KIF26B: variants seen among roughly 807,000 people sequenced by gnomAD.
KIF26B encodes kinesin-like protein KIF26B.
In KIF26B, 63 loss-of-function variants were observed where a neutral mutation model predicts 151.2. The ratio of observed to expected loss-of-function variants is 0.42; its 90% confidence interval spans 0.34 to 0.51. The LOEUF is 0.51. KIF26B is among the 20% of genes least tolerant of loss of function. KIF26B has a pLI of 0.07. For missense variants in KIF26B, 2,813 were observed against 2,913.6 expected (o/e 0.97, Z 0.79); for synonymous variants, 1,357 against 1,262.1 (o/e 1.08, Z -1.59).
chr1:245,604,064 A>G (rs1444124508), intron 6 of KIF26B, among the ~76,000 whole-genome samples: 3 of 152,122 alleles, frequency 2.0e-5, no homozygotes, highest in Admixed American at 1.3e-4. Context: ...ACGAAACAGC[A>G]CCTGTTCCTT....
chr1:245,569,254 G>A (rs567703419), intron 5 of KIF26B, among the ~76,000 whole-genome samples: 7 of 152,172 alleles, frequency 4.6e-5, no homozygotes, highest in Admixed American at 2.6e-4. Flanking sequence ...GTATCCCACC[G>A]AGCCTTAAGA....
chr1:245,648,551 C>T (rs1361436883), intron 10 of KIF26B, among the ~76,000 whole-genome samples: 1 of 151,502 alleles, frequency 6.6e-6, no homozygotes, highest in South Asian at 2.1e-4. Context: ...GGAAGGGTGG[C>T]TTGAGTCCAG....
At position 245,349,812 on chromosome 1, in the gene KIF26B, C is replaced by T. The variant is rs1418382809; in HGVS notation, c.466-17022C>T. 2.0e-5 allele frequency among the ~76,000 whole-genome samples: 3 copies of T among 152,278 alleles called. No individual in the cohort carries two copies. In the East Asian group the frequency reaches 5.8e-4, roughly 29 times the overall value. ...GTCTACAGCTGAGCTCTGTTTTCAG[C>T]TTCTGAACACAGTGGAGTTAATATT... On this transcript the variant is annotated intron_variant, in intron 2 of 14. Coordinates refer to ENST00000407071, the MANE Select transcript of KIF26B (RefSeq NM_018012.4).
intron 10 of KIF26B, among the ~76,000 whole-genome samples, chr1:245,653,979 C>A (rs1042721493): frequency 6.6e-6 from 1 of 152,112 alleles, no homozygotes; most frequent in Non-Finnish European, 1.5e-5. Context: ...GGAAGGATCG[C>A]TTGAACCCAG....
At chr1:245,556,520 C>G (rs1172707945) in intron 5 of KIF26B, among the ~76,000 whole-genome samples, 2 of 152,146 alleles carry the variant, frequency 1.3e-5, no homozygotes, top group Non-Finnish European at 2.9e-5. Context: ...TCACCTTAGG[C>G]CCCCAAGTAG....
At chr1:245,426,707 G>A (rs1447808962) in intron 4 of KIF26B, among the ~76,000 whole-genome samples, 4 of 152,222 alleles carry the variant, frequency 2.6e-5, no homozygotes, top group Non-Finnish European at 4.4e-5. Flanking sequence ...GCTGAGCAGA[G>A]AGGACTGACC....
intron 4 of KIF26B, among the ~76,000 whole-genome samples, chr1:245,510,752 C>T (rs562008791): frequency 7.7e-5 from 11 of 143,344 alleles, no homozygotes; most frequent in South Asian, 2.4e-4. Context: ...CTTGCATGTG[C>T]GGATTGGCAG....
intron 2 of KIF26B, among the ~76,000 whole-genome samples, chr1:245,191,143 C>T (rs377309209): frequency 2.0e-5 from 3 of 146,780 alleles, no homozygotes; most frequent in Admixed American, 1.4e-4. Flanking sequence ...TAATCTGGCT[C>T]TTCCTGTGAT....
At position 245,268,235 on chromosome 1, in the gene KIF26B, C is replaced by T. The variant is rs574593718; in HGVS notation, c.466-98599C>T. Among the ~76,000 whole-genome samples, 286 of 151,984 alleles carry T rather than the reference C, an allele frequency of 1.9e-3. 2 individuals carry two copies. The highest frequency in any genetic ancestry group is 6.6e-3 in the African/African-American group (272 of 41,464). Reference sequence around the variant, plus strand: ...CTGTAATCCCAGCACTTTGGGAAGCCGGGCCAGGTGGATCACAAGGTCAGG... The same window carrying T: ...CTGTAATCCCAGCACTTTGGGAAGCTGGGCCAGGTGGATCACAAGGTCAGG... On this transcript the variant is annotated intron_variant, in intron 2 of 14. Transcript: ENST00000407071.
chr1:245,684,495 C>G (rs1434834793), intron 11 of KIF26B, 100 bp downstream of exon 11: 2 of 1,240,950 alleles, frequency 1.6e-6, no homozygotes, highest in East Asian at 5.2e-5. Context: ...TGCCAATCCC[C>G]CAGCATCAGG....
intron 2 of KIF26B, among the ~76,000 whole-genome samples, chr1:245,193,093 C>A (rs1669137805): frequency 6.6e-6 from 1 of 152,174 alleles, no homozygotes; most frequent in Admixed American, 6.5e-5. Context: ...CTCCTAGTAT[C>A]CATGTGTGCT....
At chr1:245,660,525 G>A (rs2044124728) in intron 10 of KIF26B, among the ~76,000 whole-genome samples, 1 of 151,406 alleles carries the variant, frequency 6.6e-6, no homozygotes, top group South Asian at 2.1e-4. Flanking sequence ...TTTTTTTCTA[G>A]AGCCAGGGTC....
At chr1:245,643,673 T>C (rs1441100292) in intron 9 of KIF26B, among the ~76,000 whole-genome samples, 1 of 152,242 alleles carries the variant, frequency 6.6e-6, no homozygotes, top group Non-Finnish European at 1.5e-5. Flanking sequence ...TTCCTTTGTC[T>C]ATATTCCTTG....
At chr1:245,386,937 G>A (rs1365725862) in intron 3 of KIF26B, among the ~76,000 whole-genome samples, 2 of 152,178 alleles carry the variant, frequency 1.3e-5, no homozygotes, top group Admixed American at 1.3e-4. Context: ...GTTTGGTGAC[G>A]CAGGTCACAC....
At chr1:245,202,889 C>T (rs1221566223) in intron 2 of KIF26B, among the ~76,000 whole-genome samples, 6 of 150,082 alleles carry the variant, frequency 4.0e-5, no homozygotes, top group East Asian at 3.9e-4. Context: ...TGCAGTGAGC[C>T]GAGATCCCAC....
At chr1:245,368,318 C>T (rs1289479348) in intron 3 of KIF26B, among the ~76,000 whole-genome samples, 5 of 152,042 alleles carry the variant, frequency 3.3e-5, no homozygotes, top group African/African-American at 4.8e-5. Context: ...TAATTTTGCC[C>T]GGGTGAGTTT....
intron 2 of KIF26B, among the ~76,000 whole-genome samples, chr1:245,256,501 C>A (rs1028367335): frequency 6.6e-6 from 1 of 152,194 alleles, no homozygotes; most frequent in Admixed American, 6.5e-5. Context: ...TTGCCCCTGG[C>A]CAGTGCTGCT....
chr1:245,158,877 G>T (rs1227477062), intron 2 of KIF26B, among the ~76,000 whole-genome samples: 2 of 150,450 alleles, frequency 1.3e-5, no homozygotes, highest in Non-Finnish European at 3.0e-5. Flanking sequence ...TGTGGTGTGT[G>T]TTTTAAGCAT....
intron 9 of KIF26B, among the ~76,000 whole-genome samples, chr1:245,639,896 G>A (rs2043870545): frequency 6.6e-6 from 1 of 151,650 alleles, no homozygotes; most frequent in African/African-American, 2.4e-5. Flanking sequence ...CTGTCCTGGA[G>A]AATGTTCCAT....
Sources: gnomAD v4.1 joint callset for allele counts (sites outside exome capture counted in the v4.1 genomes callset) on GRCh38, gnomAD v4.1.1 for gene constraint, MANE v1.5 for transcripts, NCBI Gene and HGNC (gene_info 2026-07-23, HGNC 2026-07-21) for gene names.